FAF1: variants seen among roughly 807,000 people sequenced by gnomAD.
FAF1 encodes the protein Fas associated factor 1.
A neutral mutation model predicts 92.5 loss-of-function variants in FAF1; 25 were observed. That is an observed-to-expected ratio of 0.27 (90% CI 0.20 to 0.38). The LOEUF (loss-of-function observed/expected upper bound fraction) is 0.38. Ranked by LOEUF, FAF1 falls within the 10% of genes least tolerant of loss-of-function variation. The pLI, the probability that FAF1 is intolerant of heterozygous loss-of-function variation, is 1.00. For synonymous variants in FAF1, 234 were observed against 273.2 expected, an observed-to-expected ratio of 0.86 and a Z score of 1.42; for missense variants, 636 against 793.3, an observed-to-expected ratio of 0.80 and a Z score of 2.38.
At chr1:50,612,428 T>C (rs1652724669) in intron 8 of FAF1, 1 of 1,140,514 alleles carries the variant, frequency 8.8e-7, no homozygotes, top group Non-Finnish European at 1.1e-6. Flanking sequence ...TATTAATCAG[T>C]GGTCATTTCA....
intron 15 of FAF1, among the ~76,000 whole-genome samples, chr1:50,521,084 C>A (rs1201555713): frequency 6.6e-6 from 1 of 152,092 alleles, no homozygotes; most frequent in African/African-American, 2.4e-5. Context: ...CATGTATAAT[C>A]TGATGTTCTG....
intron 17 of FAF1, among the ~76,000 whole-genome samples, chr1:50,481,840 G>T (rs930621066): frequency 2.6e-5 from 4 of 152,128 alleles, no homozygotes; most frequent in Non-Finnish European, 5.9e-5. Context: ...GCAAGGCCCA[G>T]GTGCCTGGCT....
At chr1:50,571,987 A>T (rs1265793836) in intron 12 of FAF1, among the ~76,000 whole-genome samples, 1 of 150,864 alleles carries the variant, frequency 6.6e-6, no homozygotes, top group Admixed American at 6.6e-5. Flanking sequence ...TGTAGTTCAT[A>T]GTTTTTTTCA....
At chr1:50,502,851 A>G (rs1048733179) in intron 15 of FAF1, among the ~76,000 whole-genome samples, 4 of 151,934 alleles carry the variant, frequency 2.6e-5, no homozygotes, top group Admixed American at 2.0e-4. Flanking sequence ...ACAGGGTCTC[A>G]CTCTGTCACT....
intron 9 of FAF1, 145 bp downstream of exon 9, chr1:50,595,976 T>G (rs996623727): frequency 1.3e-5 from 8 of 610,618 alleles, no homozygotes; most frequent in Non-Finnish European, 5.9e-6. Flanking sequence ...ATGGACAGTT[T>G]CTGCCTTCAA....
chr1:50,955,384 T>G (rs1367592295), intron 1 of FAF1, among the ~76,000 whole-genome samples: 2 of 152,244 alleles, frequency 1.3e-5, no homozygotes, highest in African/African-American at 4.8e-5. Context: ...CAGCAAGAAC[T>G]GTAGGTGTAC....
At position 50,909,179 on chromosome 1, in the gene FAF1, C is replaced by A. The variant is rs574308999; in HGVS notation, c.45+50588G>T. Among the ~76,000 whole-genome samples the A allele has an allele frequency of 2.0e-5, 3 of 152,286 alleles. No individual in the cohort carries two copies. In the South Asian group the frequency reaches 6.2e-4, roughly 32 times the overall value. On this transcript the variant is annotated intron_variant, in intron 1 of 18. Transcript: ENST00000396153. ...GAAATTCTGGGTTGAAAATTCTTTT[C>A]TTTAAGAATGTTGAATATTGGACCC... is the stretch of plus-strand genomic sequence containing the variant.
intron 2 of FAF1, among the ~76,000 whole-genome samples, chr1:50,854,072 T>C (rs1644372803): frequency 6.6e-6 from 1 of 151,876 alleles, no homozygotes; most frequent in Non-Finnish European, 1.5e-5. Flanking sequence ...TACTAAGAGG[T>C]CTGAAAAGCC....
chr1:50,871,892 C>T (rs959343863), intron 1 of FAF1, among the ~76,000 whole-genome samples: 6 of 151,768 alleles, frequency 4.0e-5, no homozygotes, highest in Admixed American at 2.6e-4. Flanking sequence ...GGTGAAACCC[C>T]GTCTCTACCA....
At chr1:50,452,204 T>C (rs775684062) in intron 18 of FAF1, 1 of 1,282,676 alleles carries the variant, frequency 7.8e-7, no homozygotes, top group Non-Finnish European at 1.0e-6. Context: ...CTGGAAGACA[T>C]AATTTCAAGC....
chr1:50,902,542 T>G (rs781175151), intron 1 of FAF1, among the ~76,000 whole-genome samples: 1 of 152,200 alleles, frequency 6.6e-6, no homozygotes, highest in African/African-American at 2.4e-5. Context: ...ATTTTGGACA[T>G]GTACTGCCCT....
At chr1:50,769,597 T>C (rs1044365578) in intron 4 of FAF1, among the ~76,000 whole-genome samples, 3 of 152,244 alleles carry the variant, frequency 2.0e-5, no homozygotes, top group Non-Finnish European at 4.4e-5. Flanking sequence ...TAATCCTTCA[T>C]GATCAAGTGG....
chr1:50,628,836 G>C (rs1174182417), intron 8 of FAF1, among the ~76,000 whole-genome samples: 1 of 152,176 alleles, frequency 6.6e-6, no homozygotes, highest in Admixed American at 6.6e-5. Flanking sequence ...ACAGATGACA[G>C]GTTTTCACAG....
chr1:50,747,034 T>A (rs955390655), intron 4 of FAF1, among the ~76,000 whole-genome samples: 2 of 152,158 alleles, frequency 1.3e-5, no homozygotes. Flanking sequence ...TTTCAGATGC[T>A]ATATGGAAAA....
intron 13 of FAF1, among the ~76,000 whole-genome samples, chr1:50,563,697 C>T (rs184830096): frequency 1.3e-5 from 2 of 152,242 alleles, no homozygotes; most frequent in African/African-American, 4.8e-5. Context: ...TTTACTGAAA[C>T]CAACAAAATG....
At chr1:50,532,338 G>C (rs1465392983) in intron 15 of FAF1, among the ~76,000 whole-genome samples, 1 of 152,128 alleles carries the variant, frequency 6.6e-6, no homozygotes, top group Non-Finnish European at 1.5e-5. Context: ...CACAAATTAA[G>C]ATGGAAAAAT....
rs148350079 is a variant in FAF1 at position 50,945,243 on chromosome 1, T to C, written c.45+14524A>G. Among the ~76,000 whole-genome samples the C allele has an allele frequency of 2.0e-3, 310 of 152,074 alleles. 2 individuals are homozygous for C. Among genetic ancestry groups the C allele is most frequent in the African/African-American group, 6.9e-3 (286 of 41,464 alleles). On this transcript the variant is annotated intron_variant, in intron 1 of 18. Transcript: ENST00000396153. ...GTATAACACAGATTGGTTTCTAGGGTCACGATGGCGTGGCCAGAGCCAGCT... is the reference window on the plus strand; with the variant it reads ...GTATAACACAGATTGGTTTCTAGGGCCACGATGGCGTGGCCAGAGCCAGCT...
chr1:50,554,140 A>G (rs1649438793), intron 13 of FAF1, among the ~76,000 whole-genome samples: 2 of 150,410 alleles, frequency 1.3e-5, no homozygotes, highest in African/African-American at 4.9e-5. Flanking sequence ...TGCACACTAG[A>G]TAATTATCTA....
At chr1:50,786,702 A>T (rs1031928767) in intron 4 of FAF1, among the ~76,000 whole-genome samples, 7 of 152,238 alleles carry the variant, frequency 4.6e-5, no homozygotes, top group African/African-American at 1.7e-4. Context: ...AAACAAGTAT[A>T]AAGGCCCAGA....
Sources: gnomAD v4.1 joint callset for allele counts (sites outside exome capture counted in the v4.1 genomes callset) on GRCh38, gnomAD v4.1.1 for gene constraint, MANE v1.5 for transcripts, NCBI Gene and HGNC (gene_info 2026-07-23, HGNC 2026-07-21) for gene names.